The following TTC7A variants were observed in gnomAD, a reference collection of about 807,000 sequenced individuals.
TTC7A encodes the protein tetratricopeptide repeat protein 7A.
TTC7A carries 110 observed loss-of-function variants against 103.7 expected under a neutral mutation model. That is an observed-to-expected ratio of 1.06 (90% CI 0.91 to 1.24). The LOEUF (loss-of-function observed/expected upper bound fraction) is 1.24. TTC7A is among the 50% of genes most tolerant of loss of function. The pLI is 0.00. For missense variants in TTC7A, 1,340 were observed against 1,116.3 expected (o/e 1.20, Z -2.86); for synonymous variants, 521 against 467.9 (o/e 1.11, Z -1.47).
chr2:46,928,286 A>C (rs1669504853), intron 2 of TTC7A, among the ~76,000 whole-genome samples: 2 of 151,822 alleles, frequency 1.3e-5, no homozygotes, highest in Non-Finnish European at 2.9e-5. Flanking sequence ...GTAGATCAGA[A>C]ATCTAGGCAG....
At chr2:47,070,286 G>GAC (rs1684561719) in intron 19 of TTC7A, among the ~76,000 whole-genome samples, 1 of 152,258 alleles carries the variant, frequency 6.6e-6, no homozygotes, top group Non-Finnish European at 1.5e-5. Context: ...CCCACTGAGT[G>GAC]TGAGCCCAGA....
chr2:46,961,800 A>G (rs1672402151), intron 3 of TTC7A, among the ~76,000 whole-genome samples: 1 of 151,634 alleles, frequency 6.6e-6, no homozygotes, highest in African/African-American at 2.4e-5. Context: ...CTGTAATCCC[A>G]GCTACTTGGG....
intron 2 of TTC7A, among the ~76,000 whole-genome samples, chr2:46,929,929 A>G (rs1371441519): frequency 6.6e-6 from 1 of 152,148 alleles, no homozygotes; most frequent in African/African-American, 2.4e-5. Context: ...GATAATTGTC[A>G]ATGTTTTAGA....
chr2:46,968,693 T>C (rs1207152762), intron 3 of TTC7A, among the ~76,000 whole-genome samples: 2 of 152,222 alleles, frequency 1.3e-5, no homozygotes, highest in African/African-American at 2.4e-5. Flanking sequence ...CTTTGAACTT[T>C]TATTTCTCTG....
chr2:46,968,409 T>G (rs1428384383), intron 3 of TTC7A, among the ~76,000 whole-genome samples: 1 of 152,212 alleles, frequency 6.6e-6, no homozygotes, highest in African/African-American at 2.4e-5. Context: ...TCTGGCCGTT[T>G]GTGCAGAAGC....
Position 47,074,812 on chromosome 2 carries a change from G to A in TTC7A, c.*889G>A, listed in dbSNP as rs112922982. 3 of 152,258 alleles carry A rather than the reference G, an allele frequency of 2.0e-5. No individual in the cohort carries two copies. Among genetic ancestry groups the A allele is most frequent in the African/African-American group, 7.2e-5 (3 of 41,402 alleles). The allele number at this position is 152,258 out of a possible 1,614,324, so 9.4% of individuals were successfully genotyped here. ...TTCCCCTGCCTGAGAGAGACCTGAG[G>A]AGGGGACAGAGCCCAGCCCCTCTCC... is the stretch of plus-strand genomic sequence containing the variant. On this transcript the variant is annotated 3_prime_UTR_variant, in exon 20 of 20. Coordinates refer to ENST00000319190, the MANE Select transcript of TTC7A (RefSeq NM_020458.4).
chr2:46,997,452 G>A (rs950259953), intron 8 of TTC7A, among the ~76,000 whole-genome samples: 4 of 152,170 alleles, frequency 2.6e-5, no homozygotes, highest in Non-Finnish European at 5.9e-5. Context: ...ATTTTCAATT[G>A]TTTATGACCT....
At chr2:46,950,816 T>C (rs1482805750) in intron 2 of TTC7A, among the ~76,000 whole-genome samples, 2 of 152,238 alleles carry the variant, frequency 1.3e-5, no homozygotes, top group Non-Finnish European at 2.9e-5. Flanking sequence ...CATGTTCAGA[T>C]GGTATATTTT....
chr2:46,942,123 A>G (rs187806534), intron 1 of TTC7A, among the ~76,000 whole-genome samples: 414 of 152,282 alleles, frequency 2.7e-3, no homozygotes, highest in Non-Finnish European at 4.5e-3. Flanking sequence ...CTCGCAAGTG[A>G]CGTTGAAAAC....
intron 2 of TTC7A, among the ~76,000 whole-genome samples, chr2:46,920,720 T>C (rs2103801115): frequency 6.6e-6 from 1 of 152,232 alleles, no homozygotes; most frequent in South Asian, 2.1e-4. Flanking sequence ...CTTGAAATTT[T>C]TCCTGAACTT....
intron 3 of TTC7A, 143 bp downstream of exon 3, chr2:46,957,150 CGGTGGCA>C: frequency 9.9e-7 from 1 of 1,006,006 alleles, no homozygotes; most frequent in Non-Finnish European, 1.5e-6. Context: ...AGGTGGATGC[CGGTGGCA>C]ACCGGCCATG....
chr2:47,029,119 C>A, intron 14 of TTC7A, 105 bp from the exon 15 acceptor site: 4 of 1,365,332 alleles, frequency 2.9e-6, no homozygotes, highest in Non-Finnish European at 4.1e-6. Flanking sequence ...GTGCCTGGGG[C>A]TCCCTTGAGT....
At chr2:46,955,625 G>C (rs1036295) in intron 2 of TTC7A, among the ~76,000 whole-genome samples, 1 of 152,002 alleles carries the variant, frequency 6.6e-6, no homozygotes, top group Non-Finnish European at 1.5e-5. Flanking sequence ...GATTTACAAA[G>C]GCCAGAAGGA....
intron 19 of TTC7A, among the ~76,000 whole-genome samples, chr2:47,065,241 C>G (rs1216534757): frequency 6.6e-6 from 1 of 152,178 alleles, no homozygotes. Context: ...GAGCCAAGAT[C>G]ACGCCACTGC....
chr2:47,033,615 C>T (rs1360467180), intron 15 of TTC7A, among the ~76,000 whole-genome samples: 1 of 152,244 alleles, frequency 6.6e-6, no homozygotes, highest in Non-Finnish European at 1.5e-5. Flanking sequence ...CCACCTGCAG[C>T]AACTTACTCC....
chr2:47,001,630 G>C (rs867911146), intron 8 of TTC7A, among the ~76,000 whole-genome samples: 9 of 152,168 alleles, frequency 5.9e-5, no homozygotes, highest in African/African-American at 2.2e-4. Flanking sequence ...GCCGAGGCGG[G>C]CGGATCACTT....
rs2104701737 is a variant in TTC7A, at chr2:47,046,316, C to T, written c.1804C>T (p.Leu602=). The change falls in exon 16 of 20, where the codon CTG becomes TTG. Residue 602 remains leucine (L), a splice_region_variant and synonymous_variant. Coordinates refer to ENST00000319190, the MANE Select transcript of TTC7A (RefSeq NM_020458.4). ...GATGGCCACTCTCCGTCCCCACAGC[C>T]TGATGTTCACCAAGGTGAAGCTGGA... ...AITEHPENFN[L]MFTKVKLEQV... 9.3e-6 allele frequency: 15 copies of T among 1,613,566 alleles called. No individual in the cohort carries two copies. The highest frequency in any genetic ancestry group is 1.3e-5 in the Non-Finnish European group (15 of 1,179,652).
intron 1 of TTC7A, among the ~76,000 whole-genome samples, chr2:46,950,025 T>C (rs1032819750): frequency 6.6e-6 from 1 of 152,234 alleles, no homozygotes; most frequent in African/African-American, 2.4e-5. Context: ...GTTTAAGAAC[T>C]TATTATCCAC....
chr2:47,050,907 G>T (rs1460939073), intron 17 of TTC7A: 1 of 152,214 alleles, frequency 6.6e-6, no homozygotes, highest in Non-Finnish European at 1.5e-5. Context: ...TTGCCGTGAG[G>T]TCTCCTGAGT....
Sources: gnomAD v4.1 joint callset for allele counts (sites outside exome capture counted in the v4.1 genomes callset) on GRCh38, gnomAD v4.1.1 for gene constraint, MANE v1.5 for transcripts, NCBI Gene and HGNC (gene_info 2026-07-23, HGNC 2026-07-21) for gene names.